ENTREP2: variants seen among roughly 807,000 people sequenced by gnomAD.
ENTREP2 encodes the protein endosomal transmembrane epsin interactor 2.
chr15:29,395,846 T>G, the ENTREP2 span, among the ~76,000 whole-genome samples: 2 of 152,168 alleles, frequency 1.3e-5, no homozygotes, highest in Non-Finnish European at 2.9e-5. Context: ...GTTGTGATTT[T>G]GATTTGCATC....
chr15:29,194,951 G>A, the ENTREP2 span, among the ~76,000 whole-genome samples: 1 of 152,288 alleles, frequency 6.6e-6, no homozygotes, highest in Admixed American at 6.5e-5. Flanking sequence ...AAGTGACTTA[G>A]CAGTTGTCAG....
the ENTREP2 span, among the ~76,000 whole-genome samples, chr15:29,377,854 A>G: frequency 4.2e-5 from 6 of 141,930 alleles, no homozygotes; most frequent in African/African-American, 1.5e-4. Flanking sequence ...TAATAATAAT[A>G]ATAATAATAA....
chr15:29,604,881 A>G, the ENTREP2 span, among the ~76,000 whole-genome samples: 1 of 152,216 alleles, frequency 6.6e-6, no homozygotes, highest in Non-Finnish European at 1.5e-5. Flanking sequence ...CCTTACCGGC[A>G]TCACGAGTAA....
At chr15:29,656,688 T>C in the ENTREP2 span, among the ~76,000 whole-genome samples, 2 of 152,208 alleles carry the variant, frequency 1.3e-5, no homozygotes, top group South Asian at 4.1e-4. Flanking sequence ...GCTAAAAACC[T>C]GACACCACCA....
chr15:29,412,994 G>C, the ENTREP2 span, among the ~76,000 whole-genome samples: 33 of 151,502 alleles, frequency 2.2e-4, no homozygotes, highest in Non-Finnish European at 7.4e-5. Flanking sequence ...GGTACCTAAG[G>C]CTATTCATTT....
chr15:29,646,150 AT>A, the ENTREP2 span, among the ~76,000 whole-genome samples: 1 of 152,206 alleles, frequency 6.6e-6, no homozygotes, highest in Non-Finnish European at 1.5e-5. Context: ...AAAAGAAATC[AT>A]TGATTGTGTT....
At chr15:29,209,989 G>A in the ENTREP2 span, among the ~76,000 whole-genome samples, 7 of 152,190 alleles carry the variant, frequency 4.6e-5, no homozygotes, top group South Asian at 2.1e-4. Context: ...AGAAGGTTTT[G>A]TATAATGCTT....
the ENTREP2 span, among the ~76,000 whole-genome samples, chr15:29,368,075 C>T: frequency 2.6e-5 from 4 of 150,976 alleles, no homozygotes; most frequent in African/African-American, 9.7e-5. Flanking sequence ...ATAATCCCAG[C>T]ACTTTGGGAG....
At chr15:29,260,669 C>A in the ENTREP2 span, among the ~76,000 whole-genome samples, 1 of 152,088 alleles carries the variant, frequency 6.6e-6, no homozygotes, top group East Asian at 1.9e-4. Flanking sequence ...GGGAGGAATA[C>A]AAAGTAGTTG....
At chr15:29,553,125 G>A in the ENTREP2 span, among the ~76,000 whole-genome samples, 493 of 152,186 alleles carry the variant, frequency 3.2e-3, 2 homozygotes, top group Non-Finnish European at 5.1e-3. Context: ...GCGAAACCCC[G>A]TCTCTACTAA....
chr15:29,126,034 GC>G, the ENTREP2 span, among the ~76,000 whole-genome samples: 2 of 152,182 alleles, frequency 1.3e-5, no homozygotes, highest in African/African-American at 4.8e-5. Flanking sequence ...TGGGCCCCGG[GC>G]CCCTTGAATC....
At chr15:29,507,419 T>C in the ENTREP2 span, among the ~76,000 whole-genome samples, 1 of 152,178 alleles carries the variant, frequency 6.6e-6, no homozygotes, top group Non-Finnish European at 1.5e-5. Context: ...AATAGACATC[T>C]ACAGAACTCT....
the ENTREP2 span, among the ~76,000 whole-genome samples, chr15:29,546,922 C>A: frequency 8.4e-5 from 12 of 142,424 alleles, no homozygotes; most frequent in South Asian, 2.2e-4. Flanking sequence ...AAAACGGATA[C>A]AATTAGAAGA....
chr15:29,373,937 A>G, the ENTREP2 span: 4 of 152,122 alleles, frequency 2.6e-5, no homozygotes, highest in African/African-American at 7.2e-5. Flanking sequence ...AAATAGGTGC[A>G]CTATGAATCT....
chr15:29,578,883 A>G, the ENTREP2 span, among the ~76,000 whole-genome samples: 2 of 152,208 alleles, frequency 1.3e-5, no homozygotes, highest in African/African-American at 4.8e-5. Context: ...CCTGAGAAGT[A>G]AATGACTTAA....
At chr15:29,570,581 GC>G in the ENTREP2 span, 1 of 1,469,110 alleles carries the variant, frequency 6.8e-7, no homozygotes, top group Non-Finnish European at 9.0e-7. Context: ...GAAGCTGACT[GC>G]CACGATGAGG....
At chr15:29,612,735 G>A in the ENTREP2 span, 1 of 166,224 alleles carries the variant, frequency 6.0e-6, no homozygotes, top group Non-Finnish European at 1.3e-5. Flanking sequence ...AAGGCACTGG[G>A]GACAAATATG....
the ENTREP2 span, among the ~76,000 whole-genome samples, chr15:29,302,419 A>G: frequency 6.6e-6 from 1 of 152,212 alleles, no homozygotes; most frequent in African/African-American, 2.4e-5. Flanking sequence ...GTTTTAAAGG[A>G]AGATGCAGCT....
At chr15:29,128,047 CTGAG>C in the ENTREP2 span, among the ~76,000 whole-genome samples, 7 of 152,220 alleles carry the variant, frequency 4.6e-5, no homozygotes, top group South Asian at 2.1e-4. Context: ...CTCTTAGATG[CTGAG>C]TGAGTGTTCA....
Sources: gnomAD v4.1 joint callset for allele counts (sites outside exome capture counted in the v4.1 genomes callset) on GRCh38, gnomAD v4.1.1 for gene constraint, MANE v1.5 for transcripts, NCBI Gene and HGNC (gene_info 2026-07-23, HGNC 2026-07-21) for gene names.